USP22: variants seen among roughly 807,000 people sequenced by gnomAD.
USP22 encodes the protein ubiquitin specific peptidase 22, also known as ubiquitin carboxyl-terminal hydrolase 22.
USP22 carries 22 observed loss-of-function variants against 68.1 expected under a neutral mutation model. The observed-to-expected ratio is 0.32, with a 90% CI of 0.23 to 0.46. USP22 has a LOEUF of 0.46. Ranked by LOEUF, USP22 falls within the 20% of genes least tolerant of loss-of-function variation. The pLI is 1.00. For missense variants in USP22, 433 were observed against 695.8 expected, an observed-to-expected ratio of 0.62 and a Z score of 4.25; for synonymous variants, 279 against 274.2, an observed-to-expected ratio of 1.02 and a Z score of -0.17.
chr17:21,025,867 C>T (rs982425669), intron 2 of USP22, among the ~76,000 whole-genome samples: 3 of 152,146 alleles, frequency 2.0e-5, no homozygotes, highest in South Asian at 2.1e-4. Flanking sequence ...GATCTGTTAA[C>T]GACGCATTCC....
At chr17:21,020,030 A>T (rs554173964) in intron 3 of USP22, among the ~76,000 whole-genome samples, 1 of 152,324 alleles carries the variant, frequency 6.6e-6, no homozygotes, top group East Asian at 1.9e-4. Context: ...CCCTGTTGCT[A>T]TTCTTCCCTT....
At chr17:21,042,083 C>G (rs1972440892) in intron 1 of USP22, 1 of 152,432 alleles carries the variant, frequency 6.6e-6, no homozygotes, top group South Asian at 2.1e-4. Flanking sequence ...TCGCTCCTGG[C>G]GGCGGGTGAC....
At chr17:21,030,832 T>C (rs1972280890) in intron 1 of USP22, among the ~76,000 whole-genome samples, 1 of 152,218 alleles carries the variant, frequency 6.6e-6, no homozygotes, top group African/African-American at 2.4e-5. Flanking sequence ...TTTAAAGGCA[T>C]AAAGGATATT....
rs754207471 is a variant in USP22, at chr17:21,006,997, T to C, written c.1231-10A>G. ...CTGAGTGTTCAAATCGCTGCAGAAA[T>C]AGGAAGGGGACAGAGGGAAGAGGAA... On this transcript the variant is annotated splice_polypyrimidine_tract_variant and intron_variant, in intron 9 of 12. Transcript: ENST00000261497. The C allele has an allele frequency of 1.7e-5, 27 of 1,589,586 alleles. No homozygotes were observed. Among genetic ancestry groups the C allele is most frequent in the Non-Finnish European group, 2.1e-5 (24 of 1,166,684 alleles).
chr17:21,036,380 C>T (rs1347893696), intron 1 of USP22, among the ~76,000 whole-genome samples: 2 of 152,058 alleles, frequency 1.3e-5, no homozygotes, highest in African/African-American at 4.8e-5. Context: ...CAGGCTGAGG[C>T]AGAAGAAACC....
intron 2 of USP22, among the ~76,000 whole-genome samples, chr17:21,027,800 T>A (rs894071749): frequency 1.3e-5 from 2 of 152,052 alleles, no homozygotes; most frequent in Non-Finnish European, 2.9e-5. Context: ...TGAAACCCCA[T>A]CTCTACTAAA....
intron 1 of USP22, among the ~76,000 whole-genome samples, chr17:21,033,047 G>A (rs1972311967): frequency 6.6e-6 from 1 of 151,798 alleles, no homozygotes; most frequent in South Asian, 2.1e-4. Flanking sequence ...AGTAAGCTAA[G>A]GAGAGAGGCC....
chr17:21,021,311 G>GTTCTGTAGA, intron 2 of USP22, 85 bp from the exon 3 acceptor site: 1 of 855,486 alleles, frequency 1.2e-6, no homozygotes, highest in Non-Finnish European at 1.9e-6. Context: ...ACACAGTGAG[G>GTTCTGTAGA]TTCTGTAGAT....
rs200742224 is a variant in USP22 at position 21,028,684 on chromosome 17, A to G, written c.172-10T>C. On this transcript the variant is annotated splice_polypyrimidine_tract_variant and intron_variant, in intron 1 of 12. Coordinates refer to ENST00000261497, the MANE Select transcript of USP22 (RefSeq NM_015276.2). ...AGATACAGGACTTGGCCTGAAATTCAGAGAAGAGGAGGAGTGAACGCTGTG... is the reference window on the plus strand; with the variant it reads ...AGATACAGGACTTGGCCTGAAATTCGGAGAAGAGGAGGAGTGAACGCTGTG... The G allele has an allele frequency of 6.2e-7, 1 of 1,613,282 alleles. No homozygotes were observed. The highest frequency in any genetic ancestry group is 1.1e-5 in the South Asian group (1 of 91,026).
intron 6 of USP22, among the ~76,000 whole-genome samples, chr17:21,014,073 AAAAAC>A (rs572706327): frequency 1.1e-4 from 17 of 152,354 alleles, no homozygotes; most frequent in East Asian, 1.9e-4. Flanking sequence ...ACTCTGACTC[AAAAAC>A]AAAACAAAAC....
chr17:21,006,234 T>G (rs1418503645), intron 10 of USP22, among the ~76,000 whole-genome samples: 2 of 152,218 alleles, frequency 1.3e-5, no homozygotes, highest in African/African-American at 2.4e-5. Context: ...TACCCCAGAA[T>G]AGGCAGATTT....
Position 21,021,165 on chromosome 17 carries a change from T to C in USP22, c.366A>G (p.Lys122=). 2 of 1,614,188 alleles carry C rather than the reference T, an allele frequency of 1.2e-6. No individual in the cohort carries two copies. Among genetic ancestry groups the C allele is most frequent in the Non-Finnish European group, 1.7e-6 (2 of 1,180,026 alleles). The change falls in exon 3 of 13, where the codon AAA becomes AAG. Residue 122 remains lysine, a synonymous_variant. Coordinates refer to ENST00000261497, the MANE Select transcript of USP22 (RefSeq NM_015276.2). ...CCTCCTTGGCGATTATTTCCATGTCTTTGTCATAGATGTAGTCCTGGCACA... is the reference window on the plus strand; with the variant it reads ...CCTCCTTGGCGATTATTTCCATGTCCTTGTCATAGATGTAGTCCTGGCACA... ...CFLCQDYIYD[K]DMEIIAKEEQ... is the part of the protein sequence containing the mutation.
At chr17:21,016,258 T>A (rs1345564408) in intron 5 of USP22, among the ~76,000 whole-genome samples, 1 of 152,148 alleles carries the variant, frequency 6.6e-6, no homozygotes, top group East Asian at 1.9e-4. Flanking sequence ...CACCAGCACC[T>A]CCGCAAAGGG....
chr17:21,027,560 G>A lies in USP22; in HGVS notation c.304+982C>T, dbSNP rs80256964. 0.016 allele frequency among the ~76,000 whole-genome samples: 2,390 copies of A among 152,214 alleles called. 184 individuals are homozygous for A. In the East Asian group the frequency reaches 0.21, roughly 13 times the overall value. On this transcript the variant is annotated intron_variant, in intron 2 of 12. Transcript: ENST00000261497. ...CTCACATGAACTATTCCCTAAAACA[G>A]GTATCTAGCTTGGACCGCTTGAAAA...
intron 9 of USP22, among the ~76,000 whole-genome samples, chr17:21,007,587 T>C (rs1199568194): frequency 6.6e-6 from 1 of 152,164 alleles, no homozygotes; most frequent in Admixed American, 6.5e-5. Context: ...AGGGGGTAGC[T>C]GGAGGAATGG....
At chr17:21,027,949 C>T (rs1310248688) in intron 2 of USP22, among the ~76,000 whole-genome samples, 1 of 152,140 alleles carries the variant, frequency 6.6e-6, no homozygotes, top group Non-Finnish European at 1.5e-5. Flanking sequence ...CCCTGGGTGA[C>T]AGCGCGAGAC....
rs533968283 is a variant in USP22, at chr17:21,040,906, A to AG, written c.171+1758dup. Among the ~76,000 whole-genome samples the AG allele has an allele frequency of 8.7e-3, 1,077 of 123,870 alleles. 12 individuals are homozygous for AG. The highest frequency in any genetic ancestry group is 0.03 in the African/African-American group (972 of 32,402). 81.3% of individuals were successfully genotyped at this position (123,870 alleles called of 152,430 possible). ...GCCACCCTTTTTTTTTTTTTTCCGG[A>AG]GGGGGTCTTGCTCTGTCACCCAGTC... On this transcript the variant is annotated intron_variant, in intron 1 of 12. Coordinates refer to ENST00000261497, the MANE Select transcript of USP22 (RefSeq NM_015276.2).
chr17:21,018,237 C>T (rs1381456798), intron 4 of USP22, 126 bp from the exon 5 acceptor site: 2 of 658,538 alleles, frequency 3.0e-6, no homozygotes, highest in East Asian at 3.1e-5. Context: ...AGCCAGAACA[C>T]GATGAGATAT....
At chr17:21,011,611 G>T in intron 7 of USP22, 1 of 351,376 alleles carries the variant, frequency 2.8e-6, no homozygotes, top group Admixed American at 4.5e-5. Context: ...ATAAACTCAT[G>T]GGCCCTGTCA....
Sources: allele counts gnomAD v4.1 joint callset (sites outside exome capture counted in the v4.1 genomes callset), GRCh38; gene constraint gnomAD v4.1.1; transcripts MANE v1.5; gene names NCBI Gene and HGNC (gene_info 2026-07-23, HGNC 2026-07-21).